Variants in BCOR observed in about 807,000 individuals in gnomAD.
BCOR encodes the protein BCL6 corepressor, also known as BCL-6 corepressor.
BCOR carries 10 observed loss-of-function variants against 86.7 expected under a neutral mutation model. That is an observed-to-expected ratio of 0.12 (90% CI 0.07 to 0.20). The LOEUF is 0.20. Among genes scored for constraint, BCOR ranks in the 10% least tolerant of loss-of-function variants. The pLI is 1.00. For missense variants in BCOR, 1,259 were observed against 1,452.1 expected, an observed-to-expected ratio of 0.87 and a Z score of 2.16; for synonymous variants, 611 against 609.0, an observed-to-expected ratio of 1.00 and a Z score of -0.05.
At chrX:40,140,684 A>G (rs952662013) in intron 1 of BCOR, among the ~76,000 whole-genome samples, 5 of 112,557 alleles carry the variant, frequency 4.4e-5, no homozygotes, top group Admixed American at 9.4e-5. Context: ...AGCACAGTGC[A>G]GGACAGACAA....
At chrX:40,069,208 T>C (rs1321484340) in intron 6 of BCOR, among the ~76,000 whole-genome samples, 1 of 112,478 alleles carries the variant, frequency 8.9e-6, no homozygotes, top group Non-Finnish European at 1.9e-5. Context: ...CACAAACCTA[T>C]GGTGCCCCAG....
chrX:40,054,702 C>A (rs1934504356), intron 12 of BCOR, among the ~76,000 whole-genome samples: 1 of 112,134 alleles, frequency 8.9e-6, no homozygotes, highest in African/African-American at 3.2e-5. Flanking sequence ...AGGGTTTTAC[C>A]ATGTTGGCCA....
intron 1 of BCOR, among the ~76,000 whole-genome samples, chrX:40,131,571 C>T (rs1417215323): frequency 8.9e-6 from 1 of 111,942 alleles, no homozygotes; most frequent in Non-Finnish European, 1.9e-5. Context: ...CGCTTGAACC[C>T]AGGAGGCAGA....
At chrX:40,152,855 T>A (rs1300392825) in intron 1 of BCOR, among the ~76,000 whole-genome samples, 1 of 112,764 alleles carries the variant, frequency 8.9e-6, no homozygotes, top group Non-Finnish European at 1.9e-5. Context: ...GGCGGTTGAC[T>A]GCATTAAGGA....
intron 6 of BCOR, among the ~76,000 whole-genome samples, chrX:40,068,817 C>G (rs1390863621): frequency 8.9e-6 from 1 of 112,781 alleles, no homozygotes; most frequent in Non-Finnish European, 1.9e-5. Flanking sequence ...AATGAAAATC[C>G]TAACCACGGT....
At chrX:40,137,407 G>T (rs944445770) in intron 1 of BCOR, among the ~76,000 whole-genome samples, 1 of 109,724 alleles carries the variant, frequency 9.1e-6, no homozygotes, top group Non-Finnish European at 1.9e-5. Flanking sequence ...AAATTGTCAC[G>T]TGTGGTGGCA....
intron 1 of BCOR, among the ~76,000 whole-genome samples, chrX:40,131,252 A>C (rs1365554843): frequency 8.9e-6 from 1 of 112,203 alleles, no homozygotes; most frequent in African/African-American, 3.2e-5. Context: ...GGTGACAGTG[A>C]ACCACAGATC....
intron 1 of BCOR, among the ~76,000 whole-genome samples, chrX:40,127,504 T>A (rs921845152): frequency 2.7e-5 from 3 of 112,177 alleles, no homozygotes; most frequent in Non-Finnish European, 5.6e-5. Flanking sequence ...TAGAGTGTTT[T>A]GTTACATAGC....
intron 1 of BCOR, among the ~76,000 whole-genome samples, chrX:40,137,956 C>CTTT (rs1193753521): frequency 9.5e-6 from 1 of 104,739 alleles, no homozygotes; most frequent in East Asian, 2.9e-4. Flanking sequence ...CTCCAAATAT[C>CTTT]TTTTTTTTTT....
chrX:40,111,965 C>T (rs1240805969), intron 1 of BCOR, among the ~76,000 whole-genome samples: 1 of 110,964 alleles, frequency 9.0e-6, no homozygotes, highest in Non-Finnish European at 1.9e-5. Context: ...CACTCCTCAA[C>T]CCCTCCATCC....
intron 1 of BCOR, among the ~76,000 whole-genome samples, chrX:40,154,882 TTAATCCGGCAGCACCCGGCCTCAAA>T (rs757188865): frequency 1.7e-3 from 189 of 112,522 alleles, no homozygotes; most frequent in African/African-American, 5.7e-3. Context: ...AGATGGCAGA[TTAATCCGGCAGCACCCGGCCTCAAA>T]GGGACCGGCT....
intron 1 of BCOR, among the ~76,000 whole-genome samples, chrX:40,158,386 C>G (rs1938343769): frequency 8.9e-6 from 1 of 111,940 alleles, no homozygotes; most frequent in Non-Finnish European, 1.9e-5. Flanking sequence ...ACCGCGGAGC[C>G]GCAGGCTGGG....
At position 40,156,897 on chromosome X, in the gene BCOR, G is replaced by A. The variant is rs189019920; in HGVS notation, c.-41+20110C>T. 4.6e-3 allele frequency among the ~76,000 whole-genome samples: 529 copies of A among 113,938 alleles called. 1 individual carries two copies. Among genetic ancestry groups the A allele is most frequent in the African/African-American group, 0.016 (501 of 31,486 alleles). Reference sequence around the variant, plus strand: ...ACCGAACCAGCTCGGCCAGCCGCCTGTCGTGCCGTTTAAGGTTACCGCGCT... The same window carrying A: ...ACCGAACCAGCTCGGCCAGCCGCCTATCGTGCCGTTTAAGGTTACCGCGCT... On this transcript the variant is annotated intron_variant, in intron 1 of 14. Coordinates refer to the BCOR transcript ENST00000342274.
At chrX:40,081,487 G>A in intron 1 of BCOR, among the ~76,000 whole-genome samples, 1 of 112,547 alleles carries the variant, frequency 8.9e-6, no homozygotes, top group African/African-American at 3.2e-5. Flanking sequence ...GCTGACCCTT[G>A]GCAGCGGAAC....
At chrX:40,062,471 G>A (rs1319092216) in intron 9 of BCOR, 78 bp from the exon 10 acceptor site, 10 of 1,125,793 alleles carry the variant, frequency 8.9e-6, no homozygotes, top group East Asian at 6.4e-5. Flanking sequence ...TCCTCCCCAC[G>A]TGACAAACCT....
chrX:40,115,942 C>T (rs1366411545), intron 1 of BCOR, among the ~76,000 whole-genome samples: 1 of 111,539 alleles, frequency 9.0e-6, no homozygotes, highest in Non-Finnish European at 1.9e-5. Flanking sequence ...TCCTGGGCAA[C>T]ACTTTTCCCC....
chrX:40,077,768 T>C, intron 2 of BCOR, 76 bp downstream of exon 2: 1 of 976,191 alleles, frequency 1.0e-6, no homozygotes, highest in Non-Finnish European at 1.5e-6. Flanking sequence ...GGGCCCACGG[T>C]GGCTGTGAGA....
chrX:40,176,115 A>G (rs2148044115), intron 1 of BCOR, among the ~76,000 whole-genome samples: 1 of 112,286 alleles, frequency 8.9e-6, no homozygotes, highest in East Asian at 2.8e-4. Flanking sequence ...GAAGCGTGAG[A>G]CCGTTCACCA....
At position 40,076,734 on chromosome X, in the gene BCOR, G is replaced by A. The variant is rs111448219; in HGVS notation, c.87-202C>T. On this transcript the variant is annotated intron_variant, in intron 2 of 14. Coordinates refer to ENST00000378444, the MANE Select transcript of BCOR (RefSeq NM_001123385.2). ...CTTGACCAGGAAAAACAAAGGAAACGCAAAGCTTTCATGTGTGAGGACATG... is the reference window on the plus strand; with the variant it reads ...CTTGACCAGGAAAAACAAAGGAAACACAAAGCTTTCATGTGTGAGGACATG... Among the ~76,000 whole-genome samples, 2,981 of 112,428 alleles carry A rather than the reference G, an allele frequency of 0.027. 113 individuals are homozygous for A. The highest frequency in any genetic ancestry group is 0.092 in the African/African-American group (2,850 of 30,876).
Sources: gnomAD v4.1 joint callset for allele counts (sites outside exome capture counted in the v4.1 genomes callset) on GRCh38, gnomAD v4.1.1 for gene constraint, MANE v1.5 for transcripts, NCBI Gene and HGNC (gene_info 2026-07-23, HGNC 2026-07-21) for gene names.